Variants in MFN1 observed in about 807,000 individuals in gnomAD.
MFN1 encodes mitofusin 1, also known as mitofusin-1.
In MFN1, 65 loss-of-function variants were observed where a neutral mutation model predicts 92.4. That is an observed-to-expected ratio of 0.70 (90% confidence interval 0.58 to 0.86). The LOEUF is 0.86. MFN1 is among the 40% of genes least tolerant of loss of function. The pLI, the probability that MFN1 is intolerant of heterozygous loss-of-function variation, is 0.00. For synonymous variants in MFN1, 297 were observed against 300.9 expected, an observed-to-expected ratio of 0.99 and a Z score of 0.13; for missense variants, 781 against 868.0, an observed-to-expected ratio of 0.90 and a Z score of 1.26.
At chr3:179,356,016 A>G (rs1271268334) in intron 3 of MFN1, among the ~76,000 whole-genome samples, 1 of 147,608 alleles carries the variant, frequency 6.8e-6, no homozygotes, top group African/African-American at 2.4e-5. Context: ...TGGTATAAAA[A>G]GAAATATATT....
chr3:179,374,083 A>G (rs1243017493), intron 9 of MFN1, among the ~76,000 whole-genome samples: 1 of 151,550 alleles, frequency 6.6e-6, no homozygotes, highest in Non-Finnish European at 1.5e-5. Flanking sequence ...CAGGCAGATG[A>G]CTTGAGGTCA....
chr3:179,385,799 T>G (rs183475224), intron 15 of MFN1, 78 bp downstream of exon 15: 2 of 1,323,600 alleles, frequency 1.5e-6, no homozygotes, highest in Non-Finnish European at 2.1e-6. Context: ...AGAAAAGGTA[T>G]ACAGTATTTA....
chr3:179,377,905 A>G (rs1713306337), intron 12 of MFN1, among the ~76,000 whole-genome samples: 1 of 151,894 alleles, frequency 6.6e-6, no homozygotes, highest in Non-Finnish European at 1.5e-5. Flanking sequence ...TACTAAAAAT[A>G]CAAAAAAAAA....
Position 179,365,293 on chromosome 3 carries a change from A to G in MFN1, c.753+68A>G, listed in dbSNP as rs111679403. On this transcript the variant is annotated intron_variant, in intron 7 of 17. Transcript: ENST00000471841. ...ACATACATTGTTATTTGAGAAAACA[A>G]TATTGCTTATAGAATAGAAAATTAT... The G allele has an allele frequency of 3.7e-3, 3,262 of 873,800 alleles. 85 individuals carry two copies. The African/African-American group carries it at 0.051, about 14-fold the overall frequency. The allele number at this position is 873,800 out of a possible 1,614,324, so 54.1% of individuals were successfully genotyped here.
At chr3:179,379,209 G>T (rs6795513) in intron 14 of MFN1, among the ~76,000 whole-genome samples, 17,129 of 152,140 alleles carry the variant, frequency 0.11, 3,170 homozygotes, top group African/African-American at 0.39. Flanking sequence ...TACTAAAATG[G>T]CACATGTGCA....
At chr3:179,387,584 CTTTTTTTTTTTTTTTTTTTTT>C (rs769878779) in intron 16 of MFN1, among the ~76,000 whole-genome samples, 2 of 82,258 alleles carry the variant, frequency 2.4e-5, no homozygotes, top group East Asian at 1.0e-3. Context: ...TTTGTGGTTT[CTTTTTTTTTTTTTTTTTTTTT>C]TTTTTTTTCT....
In MFN1 at chr3:179,386,480, G is replaced by A; in HGVS notation, c.1863G>A (p.Met621Ile). The change falls in exon 16 of 18, where the codon ATG becomes ATA. Residue 621 changes from methionine to isoleucine, a missense_variant. Transcript: ENST00000471841. ...AACTCCTATCTGTTTCATTAACTAT[G>A]TATGGAGCTTTGTATCTTTATGAAA... ...GWKLLSVSLTMYGALYLYERL... is the reference protein window; with the variant it reads ...GWKLLSVSLTIYGALYLYERL... 1 of 1,613,876 alleles carries A rather than the reference G, an allele frequency of 6.2e-7. No homozygotes were observed. Among genetic ancestry groups the A allele is most frequent in the South Asian group, 1.1e-5 (1 of 91,058 alleles).
At chr3:179,384,685 A>C (rs1713602401) in intron 14 of MFN1, among the ~76,000 whole-genome samples, 12 of 152,176 alleles carry the variant, frequency 7.9e-5, no homozygotes, top group Admixed American at 7.9e-4. Flanking sequence ...GGCATGTGCC[A>C]CCACACCTAG....
At chr3:179,374,129 C>G (rs1378753816) in intron 9 of MFN1, among the ~76,000 whole-genome samples, 1 of 151,076 alleles carries the variant, frequency 6.6e-6, no homozygotes, top group Non-Finnish European at 1.5e-5. Flanking sequence ...ACTGCAAAAC[C>G]CTAACTCTAC....
At chr3:179,364,682 A>G (rs997566457) in intron 6 of MFN1, among the ~76,000 whole-genome samples, 6 of 152,110 alleles carry the variant, frequency 3.9e-5, no homozygotes, top group African/African-American at 1.4e-4. Flanking sequence ...AAATTTTAGG[A>G]TGCTTATTTA....
Position 179,358,842 on chromosome 3 carries a change from C to G in MFN1, c.251C>G (p.Thr84Arg). 1.9e-6 allele frequency: 3 copies of G among 1,610,124 alleles called. No individual in the cohort carries two copies. The highest frequency in any genetic ancestry group is 2.5e-6 in the Non-Finnish European group (3 of 1,178,386). ...TCATGATTTTGTATATTCTTCAGGA[C>G]AAGCAGTGGGAAGAGCTCTGTTATC... is the stretch of plus-strand genomic sequence containing the variant. ...RHMKVAFFGR[T>R]SSGKSSVINA... The change falls in exon 4 of 18, where the codon ACA becomes AGA. Residue 84 changes from threonine to arginine, a missense_variant and splice_region_variant. Thr to Arg is a moderately conservative substitution (Grantham distance 71). Coordinates refer to ENST00000471841, the MANE Select transcript of MFN1 (RefSeq NM_033540.3).
At chr3:179,368,846 T>A (rs1207999981) in intron 9 of MFN1, among the ~76,000 whole-genome samples, 3 of 152,240 alleles carry the variant, frequency 2.0e-5, no homozygotes, top group African/African-American at 7.2e-5. Context: ...ATGAACACAG[T>A]GACTTCAGCA....
intron 4 of MFN1, 125 bp downstream of exon 4, chr3:179,359,127 C>CA: frequency 1.0e-6 from 1 of 975,958 alleles, no homozygotes; most frequent in Non-Finnish European, 1.3e-6. Flanking sequence ...TAATATTTTT[C>CA]TTTTTTTTTT....
chr3:179,348,778 T>C (rs1292666799), intron 1 of MFN1, 67 bp from the exon 2 acceptor site: 29 of 1,564,470 alleles, frequency 1.9e-5, no homozygotes, highest in East Asian at 4.6e-5. Flanking sequence ...ATGTCACTGG[T>C]GTGTCATCAG....
intron 8 of MFN1, 103 bp from the exon 9 acceptor site, chr3:179,367,933 A>G (rs1712865241): frequency 2.1e-6 from 1 of 480,184 alleles, no homozygotes; most frequent in South Asian, 9.1e-5. Context: ...CGGGGGAAAA[A>G]GTATATATAT....
chr3:179,385,521 AT>A, intron 14 of MFN1, 47 bp from the exon 15 acceptor site: 1 of 1,523,558 alleles, frequency 6.6e-7, no homozygotes, highest in African/African-American at 1.4e-5. Context: ...AGATAACTTT[AT>A]AGTTGTTTAA....
chr3:179,392,207 G>T lies in MFN1; in HGVS notation c.*148G>T. 1 of 533,490 alleles carries T rather than the reference G, an allele frequency of 1.9e-6. No individual in the cohort carries two copies. The highest frequency in any genetic ancestry group is 3.4e-6 in the Non-Finnish European group (1 of 297,272). 33.0% of individuals were successfully genotyped at this position (533,490 alleles called of 1,614,324 possible). ...CCTGTGTAGATTCTGGTAATGATCT[G>T]TCTCAGGGTATGTGTATTTTTGAAG... On this transcript the variant is annotated 3_prime_UTR_variant, in exon 18 of 18. Transcript: ENST00000471841.
At chr3:179,351,084 C>A (rs1361241101) in intron 2 of MFN1, among the ~76,000 whole-genome samples, 2 of 152,186 alleles carry the variant, frequency 1.3e-5, no homozygotes, top group Admixed American at 1.3e-4. Context: ...GGATTATAGG[C>A]GTGAGCCCCC....
At chr3:179,349,315 A>G (rs1283614334) in intron 2 of MFN1, among the ~76,000 whole-genome samples, 1 of 152,228 alleles carries the variant, frequency 6.6e-6, no homozygotes, top group African/African-American at 2.4e-5. Context: ...CACACAGCTA[A>G]TAAGTGCCCA....
Sources: allele counts gnomAD v4.1 joint callset (sites outside exome capture counted in the v4.1 genomes callset), GRCh38; gene constraint gnomAD v4.1.1; transcripts MANE v1.5; gene names NCBI Gene and HGNC (gene_info 2026-07-23, HGNC 2026-07-21).